Variants in SPATA16 observed in about 807,000 individuals in gnomAD.
SPATA16 encodes the protein spermatogenesis-associated protein 16.
In SPATA16, 36 loss-of-function variants were observed where a neutral mutation model predicts 63.3. The ratio of observed to expected loss-of-function variants is 0.57; its 90% CI spans 0.44 to 0.75. The LOEUF (loss-of-function observed/expected upper bound fraction) is 0.75, where lower values mean the gene tolerates loss of function less well. Ranked by LOEUF, SPATA16 falls within the 30% of genes least tolerant of loss-of-function variation. The pLI, the probability that SPATA16 is intolerant of heterozygous loss-of-function variation, is 0.00. For missense variants in SPATA16, 646 were observed against 679.3 expected, an observed-to-expected ratio of 0.95 and a Z score of 0.54; for synonymous variants, 203 against 216.7, an observed-to-expected ratio of 0.94 and a Z score of 0.56.
chr3:173,054,196 A>G (rs920916067), intron 2 of SPATA16, among the ~76,000 whole-genome samples: 4 of 152,156 alleles, frequency 2.6e-5, no homozygotes, highest in Admixed American at 6.5e-5. Flanking sequence ...GAACAACACA[A>G]TCAACCAACA....
intron 6 of SPATA16, among the ~76,000 whole-genome samples, chr3:172,955,179 T>G (rs1733540019): frequency 6.6e-6 from 1 of 152,206 alleles, no homozygotes. Flanking sequence ...AACTATTAAT[T>G]AATCTTCATG....
intron 2 of SPATA16, among the ~76,000 whole-genome samples, chr3:173,075,282 T>C (rs1325729873): frequency 2.6e-5 from 4 of 152,264 alleles, no homozygotes; most frequent in Middle Eastern, 6.8e-3. Context: ...TGACAGATTC[T>C]GCTGAGGATG....
intron 10 of SPATA16, among the ~76,000 whole-genome samples, chr3:172,897,356 A>G (rs763459657): frequency 4.6e-5 from 7 of 152,118 alleles, no homozygotes. Flanking sequence ...TACTGTAGCC[A>G]TATAAAAAGT....
At chr3:172,919,119 AT>A (rs1732564401) in intron 8 of SPATA16, among the ~76,000 whole-genome samples, 1 of 152,216 alleles carries the variant, frequency 6.6e-6, no homozygotes, top group Admixed American at 6.5e-5. Flanking sequence ...TAGTTAGGTC[AT>A]TTTTTGGCAA....
chr3:172,924,389 G>T, intron 7 of SPATA16, 72 bp from the exon 8 acceptor site: 1 of 1,228,030 alleles, frequency 8.1e-7, no homozygotes, highest in Non-Finnish European at 1.2e-6. Flanking sequence ...TCTTTAGCAA[G>T]CTATAAACGA....
chr3:173,008,092 A>G (rs1331515861), intron 4 of SPATA16, among the ~76,000 whole-genome samples: 1 of 152,128 alleles, frequency 6.6e-6, no homozygotes, highest in African/African-American at 2.4e-5. Context: ...AAGACATGGA[A>G]TGGTTTATTC....
chr3:173,027,127 C>G (rs1735470545), intron 3 of SPATA16, among the ~76,000 whole-genome samples: 1 of 151,880 alleles, frequency 6.6e-6, no homozygotes, highest in Non-Finnish European at 1.5e-5. Context: ...AAATCTCACA[C>G]AAACTTCATT....
intron 2 of SPATA16, among the ~76,000 whole-genome samples, chr3:173,055,570 G>A (rs1238961206): frequency 6.6e-6 from 1 of 152,180 alleles, no homozygotes; most frequent in African/African-American, 2.4e-5. Flanking sequence ...TAGGAATGGA[G>A]AACAGATTAT....
chr3:173,138,220 G>A (rs570426459), intron 1 of SPATA16, among the ~76,000 whole-genome samples: 16 of 152,204 alleles, frequency 1.1e-4, no homozygotes, highest in Non-Finnish European at 1.6e-4. Flanking sequence ...ACCAGTGGGA[G>A]AGCACTGAAG....
At chr3:173,029,765 C>T (rs1735558529) in intron 3 of SPATA16, among the ~76,000 whole-genome samples, 1 of 151,902 alleles carries the variant, frequency 6.6e-6, no homozygotes, top group Admixed American at 6.6e-5. Context: ...GTAATTTTCT[C>T]CCCATAGGGA....
chr3:173,019,600 A>G, intron 3 of SPATA16, 25 bp from the exon 4 acceptor site: 1 of 1,605,430 alleles, frequency 6.2e-7, no homozygotes, highest in South Asian at 1.1e-5. Context: ...AAGAAATGCA[A>G]ATGTTATTTG....
intron 6 of SPATA16, among the ~76,000 whole-genome samples, chr3:172,940,827 C>T (rs1159589474): frequency 6.6e-6 from 1 of 151,700 alleles, no homozygotes; most frequent in Non-Finnish European, 1.5e-5. Flanking sequence ...TACTAGCATA[C>T]AAAAAATTAG....
At chr3:173,120,839 G>A (rs149423219) in intron 1 of SPATA16, among the ~76,000 whole-genome samples, 1,653 of 152,056 alleles carry the variant, frequency 0.011, 18 homozygotes, top group Non-Finnish European at 0.017. Context: ...AGGTTTTATT[G>A]TTTTAAGAAA....
intron 5 of SPATA16, among the ~76,000 whole-genome samples, chr3:172,974,322 G>A (rs1371022946): frequency 6.6e-6 from 1 of 152,026 alleles, no homozygotes; most frequent in Admixed American, 6.6e-5. Context: ...TGAAAATAGT[G>A]TCTATCTATT....
intron 5 of SPATA16, among the ~76,000 whole-genome samples, chr3:172,958,154 C>CCCAGAG (rs1311045161): frequency 1.3e-5 from 2 of 152,128 alleles, no homozygotes; most frequent in Non-Finnish European, 2.9e-5. Flanking sequence ...TTCTTCCAAA[C>CCCAGAG]CCAGAGCCAG....
chr3:172,955,886 C>T (rs1372741643), intron 6 of SPATA16, among the ~76,000 whole-genome samples: 6 of 152,012 alleles, frequency 3.9e-5, no homozygotes, highest in South Asian at 2.1e-4. Flanking sequence ...GTGTCTGGCA[C>T]CTTAATAGTG....
chr3:173,023,273 C>T (rs1331651653), intron 3 of SPATA16, among the ~76,000 whole-genome samples: 1 of 151,150 alleles, frequency 6.6e-6, no homozygotes, highest in Non-Finnish European at 1.5e-5. Context: ...ATAAATAATC[C>T]ATCCTTCTCT....
intron 2 of SPATA16, among the ~76,000 whole-genome samples, chr3:173,075,008 A>AG (rs1736760784): frequency 2.7e-5 from 4 of 146,128 alleles, no homozygotes; most frequent in Admixed American, 1.4e-4. Context: ...AAAAAAAAAA[A>AG]AAAAGGAAAG....
At chr3:173,099,640 G>A (rs1213169190) in intron 2 of SPATA16, among the ~76,000 whole-genome samples, 2 of 152,084 alleles carry the variant, frequency 1.3e-5, no homozygotes, top group South Asian at 2.1e-4. Flanking sequence ...TTTCTACCTC[G>A]AATTTTGAAC....
Sources: gnomAD v4.1 joint callset for allele counts (sites outside exome capture counted in the v4.1 genomes callset) on GRCh38, gnomAD v4.1.1 for gene constraint, MANE v1.5 for transcripts, NCBI Gene and HGNC (gene_info 2026-07-23, HGNC 2026-07-21) for gene names.